SLC6A8: variants seen among roughly 807,000 people sequenced by gnomAD.
The protein encoded by SLC6A8 is sodium- and chloride-dependent creatine transporter 1.
Under a neutral mutation model 48.3 loss-of-function variants are expected in SLC6A8, and 6 were observed. That is an observed-to-expected ratio of 0.12 (90% CI 0.07 to 0.25). The LOEUF (loss-of-function observed/expected upper bound fraction) is 0.25. Ranked by LOEUF, SLC6A8 falls within the 10% of genes least tolerant of loss-of-function variation. The pLI, the probability that SLC6A8 is intolerant of heterozygous loss-of-function variation, is 1.00. For missense variants in SLC6A8, 260 were observed against 551.5 expected (o/e 0.47, Z 5.29); for synonymous variants, 245 against 244.0 (o/e 1.00, Z -0.04).
intron 1 of SLC6A8, among the ~76,000 whole-genome samples, chrX:153,690,171 G>A (rs185754132): frequency 6.2e-4 from 70 of 112,884 alleles, no homozygotes; most frequent in African/African-American, 2.1e-3. Context: ...GGGCTCCAAT[G>A]GCTCAGGGGC....
chrX:153,693,208 G>A (rs370552407), intron 5 of SLC6A8, 33 bp downstream of exon 5: 55 of 1,207,736 alleles, frequency 4.6e-5, no homozygotes, highest in Non-Finnish European at 5.6e-5. Context: ...GCAGCAGGGC[G>A]CTGCGGGGGA....
chrX:153,688,701 C>G lies in SLC6A8; in HGVS notation c.127C>G (p.Pro43Ala), dbSNP rs1185738875. Residue 43 changes from proline (P) to alanine (A), a missense_variant, in exon 1 of 13, where the codon CCC becomes GCC. Physicochemically the swap from Pro to Ala is conservative, Grantham distance 27. Transcript: ENST00000253122. ...KGDGPVGLGT[P>A]GGRLAVPPRE... Reference sequence around the variant, plus strand: ...CGACGGCCCCGTGGGCCTGGGGACACCCGGCGGCCGCCTGGCCGTGCCGCC... The same window carrying G: ...CGACGGCCCCGTGGGCCTGGGGACAGCCGGCGGCCGCCTGGCCGTGCCGCC... 2.7e-6 allele frequency: 3 copies of G among 1,122,405 alleles called. No homozygotes were observed. The African/African-American group carries it at 5.8e-5, about 22-fold the overall frequency. The allele number at this position is 1,122,405 out of a possible 1,213,427, so 92.5% of individuals were successfully genotyped here.
rs782302903 is a variant in SLC6A8 at position 153,694,346 on chromosome X, C to T, written c.1395C>T (p.Gly465=). 2.6e-5 allele frequency: 31 copies of T among 1,208,290 alleles called. No individual in the cohort carries two copies. Among genetic ancestry groups the T allele is most frequent in the South Asian group, 3.5e-5 (2 of 56,747 alleles). The change falls in exon 10 of 13, where the codon GGC becomes GGT. Residue 465 remains glycine (G), a splice_region_variant and synonymous_variant. Coordinates refer to ENST00000253122, the MANE Select transcript of SLC6A8 (RefSeq NM_005629.4). ...FVIDLSMVTD[G]GMYVFQLFDY... is the part of the protein sequence containing the mutation. ...CCTGACTGGGCTCTGTCCCCCAGGGCGGGATGTACGTCTTCCAGCTGTTTG... is the reference window on the plus strand; with the variant it reads ...CCTGACTGGGCTCTGTCCCCCAGGGTGGGATGTACGTCTTCCAGCTGTTTG...
At position 153,696,363 on chromosome X, in the gene SLC6A8, G is replaced by A. The variant is rs1166999490; in HGVS notation, c.*1149G>A. On this transcript the variant is annotated 3_prime_UTR_variant, in exon 13 of 13. Coordinates refer to ENST00000253122, the MANE Select transcript of SLC6A8 (RefSeq NM_005629.4). ...CACGGCTCCCACGTCCAGGCTTAAG[G>A]TGGATGCACTTCCCGCACCTCCAGT... 5 of 329,933 alleles carry A rather than the reference G, an allele frequency of 1.5e-5. No homozygotes were observed. The highest frequency in any genetic ancestry group is 1.3e-4 in the African/African-American group (5 of 37,856). 27.2% of individuals were successfully genotyped at this position (329,933 alleles called of 1,213,427 possible).
At position 153,687,966 on chromosome X, in the gene SLC6A8, CCCGCCGCGGCCCCGAGAGCGGCTGCAG is replaced by C. The variant is rs2148357437; in HGVS notation, c.-601_-575del. ...CGGAGCGAGGTGGCGAGTCGCTGAG[CCCGCCGCGGCCCCGAGAGCGGCTGCAG>C]CCGCCGCCGCCGGGAAGGAGAGGGC... On this transcript the variant is annotated 5_prime_UTR_variant, in exon 1 of 13. Transcript: ENST00000253122. The C allele has an allele frequency of 9.3e-6, 1 of 107,987 alleles. No individual in the cohort carries two copies. The highest frequency in any genetic ancestry group is 3.4e-5 in the African/African-American group (1 of 29,679). The allele number at this position is 107,987 out of a possible 1,213,427, so 8.9% of individuals were successfully genotyped here.
Position 153,695,977 on chromosome X carries a change from AAG to A in SLC6A8, c.*766_*767del, listed in dbSNP as rs1385974318. ...AGATTTCTGCTTGTATATTTCTAAA[AAG>A]AGGAAGGAGCCCAAACCATCCTCTC... On this transcript the variant is annotated 3_prime_UTR_variant, in exon 13 of 13. Coordinates refer to ENST00000253122, the MANE Select transcript of SLC6A8 (RefSeq NM_005629.4). The A allele has an allele frequency of 8.1e-6, 1 of 123,428 alleles. No homozygotes were observed. Among genetic ancestry groups the A allele is most frequent in the Non-Finnish European group, 1.7e-5 (1 of 60,315 alleles). 10.2% of individuals were successfully genotyped at this position (123,428 alleles called of 1,213,427 possible).
intron 4 of SLC6A8, 200 bp downstream of exon 4, chrX:153,692,307 C>T: frequency 2.0e-6 from 1 of 489,795 alleles, no homozygotes; most frequent in Non-Finnish European, 3.8e-6. Context: ...GAGGCCCTGG[C>T]AGGCACTGTC....
chrX:153,693,706 T>C, intron 7 of SLC6A8, 120 bp downstream of exon 7: 1 of 937,751 alleles, frequency 1.1e-6, no homozygotes, highest in Non-Finnish European at 1.5e-6. Flanking sequence ...ACTTGTCAGA[T>C]TGTGGGCCTG....
chrX:153,695,002 A>C, intron 12 of SLC6A8, 72 bp from the exon 13 acceptor site: 2 of 1,149,981 alleles, frequency 1.7e-6, no homozygotes, highest in South Asian at 3.9e-5. Context: ...GGAACCGGAG[A>C]GAGGCAGAGG....
At chrX:153,692,576 C>CA (rs1569539316) in intron 4 of SLC6A8, 1 of 337,414 alleles carries the variant, frequency 3.0e-6, no homozygotes, top group Non-Finnish European at 5.7e-6. Flanking sequence ...AGGGGGCAGA[C>CA]AGTGTGGCAG....
At position 153,688,544 on chromosome X, in the gene SLC6A8, C is replaced by T. The variant is rs1170299774; in HGVS notation, c.-31C>T. On this transcript the variant is annotated 5_prime_UTR_variant, in exon 1 of 13. Transcript: ENST00000253122. Reference sequence around the variant, plus strand: ...CGCCGCCCCCCGTGAGGCGCCGCGACCCCGGCCCGGCCGTGCGGCCCGCCG... The same window carrying T: ...CGCCGCCCCCCGTGAGGCGCCGCGATCCCGGCCCGGCCGTGCGGCCCGCCG... 2 of 854,692 alleles carry T rather than the reference C, an allele frequency of 2.3e-6. No individual in the cohort carries two copies. Among genetic ancestry groups the T allele is most frequent in the African/African-American group, 2.3e-5 (1 of 43,232 alleles). The allele number at this position is 854,692 out of a possible 1,213,427, so 70.4% of individuals were successfully genotyped here. A position where few individuals can be genotyped will look rare whatever the true frequency, so the allele number is the denominator to read the frequency against.
At chrX:153,691,831 G>A in intron 3 of SLC6A8, 144 bp from the exon 4 acceptor site, 1 of 695,734 alleles carries the variant, frequency 1.4e-6, no homozygotes, top group Non-Finnish European at 2.2e-6. Flanking sequence ...GGGATCGTGG[G>A]CTCCAGGCCC....
At chrX:153,691,590 C>A in intron 3 of SLC6A8, 37 bp downstream of exon 3, 1 of 1,205,248 alleles carries the variant, frequency 8.3e-7, no homozygotes. Flanking sequence ...CCATCCCATC[C>A]CCCAGGTCTC....
Position 153,694,326 on chromosome X carries a change from C to T in SLC6A8, c.1393-18C>T. On this transcript the variant is annotated intron_variant, in intron 9 of 12. Coordinates refer to ENST00000253122, the MANE Select transcript of SLC6A8 (RefSeq NM_005629.4). ...GGTGGCCGTCTGCCATCCTCCCTGA[C>T]TGGGCTCTGTCCCCCAGGGCGGGAT... The T allele has an allele frequency of 1.7e-6, 2 of 1,209,594 alleles. No individual in the cohort carries two copies. Among genetic ancestry groups the T allele is most frequent in the Non-Finnish European group, 2.2e-6 (2 of 893,420 alleles).
rs1557046153 is a variant in SLC6A8, at chrX:153,696,186, G to C, written c.*972G>C. 4.0e-6 allele frequency: 1 copy of C among 248,175 alleles called. No individual in the cohort carries two copies. Among genetic ancestry groups the C allele is most frequent in the Non-Finnish European group, 7.6e-6 (1 of 131,258 alleles). 20.5% of individuals were successfully genotyped at this position (248,175 alleles called of 1,213,427 possible). On this transcript the variant is annotated 3_prime_UTR_variant, in exon 13 of 13. Coordinates refer to ENST00000253122, the MANE Select transcript of SLC6A8 (RefSeq NM_005629.4). ...AGACTGGATTGGAAAAGTGCATGGT[G>C]GGGGCCTCGGGGCTGTCCCCACGCT...
At position 153,693,609 on chromosome X, in the gene SLC6A8, G is replaced by A. The variant is rs374388249; in HGVS notation, c.1141+23G>A. On this transcript the variant is annotated intron_variant, in intron 7 of 12. Coordinates refer to ENST00000253122, the MANE Select transcript of SLC6A8 (RefSeq NM_005629.4). Reference sequence around the variant, plus strand: ...CAGGTAGGGCCCTACCCCCAGCCCCGCCTCCAGAGCAGCGAGTGCTACCCA... The same window carrying A: ...CAGGTAGGGCCCTACCCCCAGCCCCACCTCCAGAGCAGCGAGTGCTACCCA... 70 of 1,202,443 alleles carry A rather than the reference G, an allele frequency of 5.8e-5. No homozygotes were observed. The Middle Eastern group carries it at 8.4e-4, about 14-fold the overall frequency.
At chrX:153,692,201 CAG>C (rs1491043732) in intron 4 of SLC6A8, 94 bp downstream of exon 4, 13 of 922,941 alleles carry the variant, frequency 1.4e-5, no homozygotes, top group African/African-American at 1.2e-4. Context: ...GGTGACCAGA[CAG>C]AGTCTAGCCC....
chrX:153,688,879 G>GCCGGCCC, intron 1 of SLC6A8, 43 bp downstream of exon 1: 1 of 878,710 alleles, frequency 1.1e-6, no homozygotes, highest in Non-Finnish European at 1.5e-6. Flanking sequence ...CCAGCAGGCC[G>GCCGGCCC]CCGGCCCCCG....
In SLC6A8 at chrX:153,695,263, T is replaced by A. The variant is rs1188801307; in HGVS notation, c.*49T>A. The stretch of plus-strand genomic sequence containing the variant: ...CACCTCTGGTAGCCATAGCAGCCCC[T>A]GCTTCAGCCCCACCGCACCCCTCCA... On this transcript the variant is annotated 3_prime_UTR_variant, in exon 13 of 13. Coordinates refer to ENST00000253122, the MANE Select transcript of SLC6A8 (RefSeq NM_005629.4). The A allele has an allele frequency of 5.5e-5, 63 of 1,142,640 alleles. No homozygotes were observed. Among genetic ancestry groups the A allele is most frequent in the Non-Finnish European group, 6.5e-5 (55 of 850,624 alleles). The allele number at this position is 1,142,640 out of a possible 1,213,427, so 94.2% of individuals were successfully genotyped here. A position where few individuals can be genotyped will look rare whatever the true frequency, so the allele number is the denominator to read the frequency against.
Sources: allele counts gnomAD v4.1 joint callset (sites outside exome capture counted in the v4.1 genomes callset), GRCh38; gene constraint gnomAD v4.1.1; transcripts MANE v1.5; gene names NCBI Gene and HGNC (gene_info 2026-07-23, HGNC 2026-07-21).